Variants in SLC37A2 observed in about 807,000 individuals in gnomAD.
The protein encoded by SLC37A2 is glucose-6-phosphate exchanger SLC37A2.
Under a neutral mutation model 70.7 loss-of-function variants are expected in SLC37A2, and 59 were observed. That is an observed-to-expected ratio of 0.83 (90% confidence interval 0.68 to 1.04). The LOEUF is 1.04. Among genes scored for constraint, SLC37A2 ranks in the 50% least tolerant of loss-of-function variants. The pLI is 0.00. For synonymous variants in SLC37A2, 257 were observed against 262.1 expected, an observed-to-expected ratio of 0.98 and a Z score of 0.19; for missense variants, 580 against 658.1, an observed-to-expected ratio of 0.88 and a Z score of 1.30.
chr11:125,079,785 T>A (rs1419228108), intron 6 of SLC37A2, 25 bp downstream of exon 6: 1 of 1,550,548 alleles, frequency 6.4e-7, no homozygotes, highest in South Asian at 1.1e-5. Context: ...GGAGGAGGAG[T>A]GGGAAGGATT....
Position 125,088,298 on chromosome 11 carries a change from C to T in SLC37A2, c.*164C>T, listed in dbSNP as rs1023139939. ...AGGGCTGCCTAAGGACACAGAGATT[C>T]TCCATGGGAAGGGGACTGCCAAGCA... On this transcript the variant is annotated 3_prime_UTR_variant, in exon 18 of 18. Transcript: ENST00000403796. 2.7e-6 allele frequency: 2 copies of T among 732,156 alleles called. No individual in the cohort carries two copies. Among genetic ancestry groups the T allele is most frequent in the Admixed American group, 2.7e-5 (1 of 36,386 alleles). The allele number at this position is 732,156 out of a possible 1,614,324, so 45.4% of individuals were successfully genotyped here.
chr11:125,089,983 G>A lies in SLC37A2; in HGVS notation c.*1849G>A, dbSNP rs1949267348. ...CCTGAGTCTGATGGGGACGTGGAGA[G>A]TCCTTATGTCCTGCTCAGGGATTGT... On this transcript the variant is annotated 3_prime_UTR_variant, in exon 18 of 18. Coordinates refer to ENST00000403796, the MANE Select transcript of SLC37A2 (RefSeq NM_001145290.2). 2 of 152,534 alleles carry A rather than the reference G, an allele frequency of 1.3e-5. No homozygotes were observed. Among genetic ancestry groups the A allele is most frequent in the Non-Finnish European group, 2.9e-5 (2 of 68,302 alleles). The allele number at this position is 152,534 out of a possible 1,614,324, so 9.4% of individuals were successfully genotyped here. A position where few individuals can be genotyped will look rare whatever the true frequency, so the allele number is the denominator to read the frequency against.
At chr11:125,077,401 G>T (rs770622380) in intron 3 of SLC37A2, 49 bp from the exon 4 acceptor site, 1 of 1,599,718 alleles carries the variant, frequency 6.3e-7, no homozygotes, top group South Asian at 1.1e-5. Context: ...AGGGCTTCCT[G>T]CAGGGGCATC....
chr11:125,086,330 T>G (rs1949215144), intron 17 of SLC37A2: 1 of 1,186,220 alleles, frequency 8.4e-7, no homozygotes. Context: ...TCCTCTGTCC[T>G]GCAGTATGAC....
chr11:125,068,089 A>G (rs984911218), intron 1 of SLC37A2, among the ~76,000 whole-genome samples: 1 of 152,118 alleles, frequency 6.6e-6, no homozygotes, highest in African/African-American at 2.4e-5. Context: ...GCATAACATG[A>G]CTTTCTCCAG....
rs759322771 is a variant in SLC37A2, at chr11:125,077,271, C to T, written c.183C>T (p.Ile61=). ...ACTGCTCGGAGCAGATCAAACCCAT[C>T]AATGATACTCACAGTCTCAATGACA... ...HQNCSEQIKP[I]NDTHSLNDTM... The change falls in exon 3 of 18, where the codon ATC becomes ATT. Residue 61 remains isoleucine, a synonymous_variant. Transcript: ENST00000403796. 1.1e-5 allele frequency: 18 copies of T among 1,608,184 alleles called. No homozygotes were observed. Among genetic ancestry groups the T allele is most frequent in the Non-Finnish European group, 1.4e-5 (17 of 1,177,020 alleles).
At position 125,063,703 on chromosome 11, in the gene SLC37A2, C is replaced by T. The variant is rs1948953844; in HGVS notation, c.59+277C>T. ...GCCAGGGAGGGTCTCCATCGTTTCCCGTTTCCATCCTCCCCTCCTAACACA... is the reference window on the plus strand; with the variant it reads ...GCCAGGGAGGGTCTCCATCGTTTCCTGTTTCCATCCTCCCCTCCTAACACA... On this transcript the variant is annotated intron_variant, in intron 1 of 17. Coordinates refer to ENST00000403796, the MANE Select transcript of SLC37A2 (RefSeq NM_001145290.2). The surrounding 1 kb of genome is among the most constrained non-coding windows in gnomAD (Gnocchi z 5.4). Among the ~76,000 whole-genome samples the T allele has an allele frequency of 6.6e-6, 1 of 152,230 alleles. No homozygotes were observed. The highest frequency in any genetic ancestry group is 6.5e-5 in the Admixed American group (1 of 15,292).
At chr11:125,073,436 A>T (rs559731336) in intron 1 of SLC37A2, among the ~76,000 whole-genome samples, 1 of 152,276 alleles carries the variant, frequency 6.6e-6, no homozygotes, top group South Asian at 2.1e-4. Flanking sequence ...TTCCCAGAAG[A>T]GTTTGGTTCA....
At chr11:125,084,729 G>A in intron 12 of SLC37A2, 96 bp from the exon 13 acceptor site, 1 of 1,281,910 alleles carries the variant, frequency 7.8e-7, no homozygotes, top group Non-Finnish European at 1.1e-6. Context: ...GATGCCCTCT[G>A]GGGTTTCAGG....
chr11:125,083,938 G>A lies in SLC37A2; in HGVS notation c.1039+61G>A, dbSNP rs1006946267. On this transcript the variant is annotated intron_variant, in intron 11 of 17. Transcript: ENST00000403796. The surrounding 1 kb of genome is among the most constrained non-coding windows in gnomAD (Gnocchi z 4.6). ...TCCCCTCTTTTCTTGTGGGGTGCAG[G>A]AAGAAGGGACAGGTCCGATGGGCTA... 5 of 1,541,712 alleles carry A rather than the reference G, an allele frequency of 3.2e-6. No homozygotes were observed. The highest frequency in any genetic ancestry group is 4.5e-6 in the Non-Finnish European group (5 of 1,115,126).
At chr11:125,082,648 C>A (rs1382628310) in intron 10 of SLC37A2, among the ~76,000 whole-genome samples, 46 of 152,136 alleles carry the variant, frequency 3.0e-4, no homozygotes, top group Non-Finnish European at 1.5e-5. Flanking sequence ...GAGAAACCCC[C>A]TCCAGGCTGC....
At chr11:125,077,636 T>C in intron 4 of SLC37A2, 108 bp downstream of exon 4, 1 of 806,270 alleles carries the variant, frequency 1.2e-6, no homozygotes, top group Non-Finnish European at 1.9e-6. Flanking sequence ...ATGCTGCATG[T>C]ACAATCCACC....
rs1165800618 is a variant in SLC37A2 at position 125,085,977 on chromosome 11, AGAG to A, written c.1450_1452del (p.Glu484del). 1.2e-6 allele frequency: 2 copies of A among 1,613,880 alleles called. No homozygotes were observed. The highest frequency in any genetic ancestry group is 8.5e-7 in the Non-Finnish European group (1 of 1,179,932). Reference sequence around the variant, plus strand: ...AGCTCCTTTGCCGGTTAGTATACAAAGAGATCTTGGCCTGGAAGGTGTCCCTGA... The same window carrying A: ...AGCTCCTTTGCCGGTTAGTATACAAAATCTTGGCCTGGAAGGTGTCCCTGA... On this transcript the variant is annotated inframe_deletion, in exon 17 of 18. Coordinates refer to ENST00000403796, the MANE Select transcript of SLC37A2 (RefSeq NM_001145290.2).
intron 1 of SLC37A2, among the ~76,000 whole-genome samples, chr11:125,074,096 A>C (rs1005317437): frequency 1.3e-5 from 2 of 152,016 alleles, no homozygotes; most frequent in Admixed American, 1.3e-4. Flanking sequence ...ACTGAGGCGG[A>C]GTTCCCCAAA....
chr11:125,067,373 G>A (rs1479593806), intron 1 of SLC37A2, among the ~76,000 whole-genome samples: 1 of 152,166 alleles, frequency 6.6e-6, no homozygotes, highest in Non-Finnish European at 1.5e-5. Flanking sequence ...CCATCAGGGT[G>A]CTGATAAATA....
chr11:125,087,737 A>C (rs1949236109), intron 17 of SLC37A2: 1 of 173,394 alleles, frequency 5.8e-6, no homozygotes, highest in Non-Finnish European at 1.2e-5. Context: ...GGTTCAAGTG[A>C]TTCTCCTGCC....
intron 1 of SLC37A2, among the ~76,000 whole-genome samples, chr11:125,065,618 T>C (rs1419380408): frequency 1.4e-4 from 22 of 152,332 alleles, no homozygotes; most frequent in Admixed American, 1.4e-3. Context: ...GAGGTTTTTC[T>C]TAGTATTGGC....
intron 11 of SLC37A2, 145 bp downstream of exon 11, chr11:125,084,022 TC>T (rs1949177384): frequency 1.1e-6 from 1 of 914,946 alleles, no homozygotes; most frequent in Admixed American, 2.1e-5. Context: ...TCAGCTCTGA[TC>T]CTGCCTGGCT....
At chr11:125,069,241 A>G (rs1022296049) in intron 1 of SLC37A2, among the ~76,000 whole-genome samples, 1 of 152,214 alleles carries the variant, frequency 6.6e-6, no homozygotes, top group Non-Finnish European at 1.5e-5. Flanking sequence ...GCAGTTATGT[A>G]AGCCTGTCCA....
Sources: allele counts gnomAD v4.1 joint callset (sites outside exome capture counted in the v4.1 genomes callset), GRCh38; gene constraint gnomAD v4.1.1; non-coding constraint Gnocchi (gnomAD v3.1); transcripts MANE v1.5; gene names NCBI Gene and HGNC (gene_info 2026-07-23, HGNC 2026-07-21).